The following BTNL3 variants were observed in gnomAD, a reference collection of about 807,000 sequenced individuals.
The protein encoded by BTNL3 is butyrophilin-like protein 3.
BTNL3 carries 20 observed loss-of-function variants against 40.1 expected under a neutral mutation model. That is an observed-to-expected ratio of 0.50 (90% confidence interval 0.35 to 0.72). The LOEUF (loss-of-function observed/expected upper bound fraction) is 0.72, where lower values mean the gene tolerates loss of function less well. Ranked by LOEUF, BTNL3 falls within the 30% of genes least tolerant of loss-of-function variation. The pLI is 0.01. For missense variants in BTNL3, 449 were observed against 582.2 expected (o/e 0.77, Z 2.35); for synonymous variants, 179 against 222.1 (o/e 0.81, Z 1.73).
intron 3 of BTNL3, among the ~76,000 whole-genome samples, chr5:181,000,814 A>AAAAAAAATAAAATAAAAT (rs1241560261): frequency 7.4e-6 from 1 of 135,298 alleles, no homozygotes; most frequent in Non-Finnish European, 1.7e-5. Context: ...CTCCGTCTCA[A>AAAAAAAATAAAATAAAAT]AAAAAAATAA....
At position 181,005,329 on chromosome 5, in the gene BTNL3, C is replaced by T; in HGVS notation, c.863-5C>T. On this transcript the variant is annotated splice_polypyrimidine_tract_variant and splice_region_variant and intron_variant, in intron 7 of 7. Transcript: ENST00000342868. ...ATGCTTCCTCTCTCCCCCACCGCAC[C>T]CCAGTGGAGGTGACTCTGGATCCAG... 1 of 1,610,476 alleles carries T rather than the reference C, an allele frequency of 6.2e-7. No individual in the cohort carries two copies. The highest frequency in any genetic ancestry group is 1.3e-5 in the African/African-American group (1 of 74,842).
intron 3 of BTNL3, among the ~76,000 whole-genome samples, chr5:181,001,409 T>A (rs1201159616): frequency 1.5e-5 from 2 of 134,216 alleles, no homozygotes; most frequent in Non-Finnish European, 3.4e-5. Context: ...GCTCAAGCAA[T>A]CCTCCCACCT....
chr5:181,002,398 A>C (rs1319236249), intron 3 of BTNL3, among the ~76,000 whole-genome samples: 1 of 110,500 alleles, frequency 9.0e-6, no homozygotes, highest in Non-Finnish European at 2.0e-5. Context: ...ATATATATAT[A>C]TATATGAAAT....
At position 181,003,490 on chromosome 5, in the gene BTNL3, T is replaced by C. The variant is rs1012748378; in HGVS notation, c.788-366T>C. ...AGGAAATAAAACTGACTGACTGAGA[T>C]AAAATGATAATCTCAGTAAGAGTCT... On this transcript the variant is annotated intron_variant, in intron 4 of 7. Coordinates refer to ENST00000342868, the MANE Select transcript of BTNL3 (RefSeq NM_197975.3). Among the ~76,000 whole-genome samples the C allele has an allele frequency of 8.7e-5, 12 of 137,294 alleles. 2 individuals carry two copies. The highest frequency in any genetic ancestry group is 2.3e-4 in the Admixed American group (3 of 13,100). The allele number at this position is 137,294 out of a possible 152,430, so 90.1% of individuals were successfully genotyped here.
rs1199522236 is a variant in BTNL3 at position 180,992,941 on chromosome 5, T to G, written c.178T>G (p.Phe60Val). 1.4e-6 allele frequency: 2 copies of G among 1,462,964 alleles called. No individual in the cohort carries two copies. The highest frequency in any genetic ancestry group is 1.9e-6 in the Non-Finnish European group (2 of 1,058,856). The allele number at this position is 1,462,964 out of a possible 1,614,324, so 90.6% of individuals were successfully genotyped here. The change falls in exon 2 of 8, where the codon TTC (phenylalanine) becomes GTC (valine). Residue 60 changes from phenylalanine to valine, a missense_variant. Phe to Val is a conservative substitution (Grantham distance 50, BLOSUM62 -1). Around this residue, in one of 2 missense-constraint regions of BTNL3, gnomAD observed 323 missense variants for 464.9 expected, o/e 0.69. Coordinates refer to ENST00000342868, the MANE Select transcript of BTNL3 (RefSeq NM_197975.3). Reference sequence around the variant, plus strand: ...GGAAGTGCGGTTCTTCAGGAATCAGTTCCATGCTGTGGTCCACCTCTACAG... The same window carrying G: ...GGAAGTGCGGTTCTTCAGGAATCAGGTCCATGCTGTGGTCCACCTCTACAG... ...AMEVRFFRNQ[F>V]HAVVHLYRDG...
chr5:180,998,030 C>T lies in BTNL3; in HGVS notation c.673+542C>T, dbSNP rs528964117. Reference sequence around the variant, plus strand: ...CAGAGGTTGCAGTGAGCCGAGATGGCACCACTGTGCTCCAGCCTGGGTGGC... The same window carrying T: ...CAGAGGTTGCAGTGAGCCGAGATGGTACCACTGTGCTCCAGCCTGGGTGGC... On this transcript the variant is annotated intron_variant, in intron 3 of 7. Transcript: ENST00000342868. 1.2e-4 allele frequency among the ~76,000 whole-genome samples: 17 copies of T among 136,028 alleles called. 2 individuals are homozygous for T. The highest frequency in any genetic ancestry group is 3.5e-4 in the African/African-American group (14 of 39,596). 89.2% of individuals were successfully genotyped at this position (136,028 alleles called of 152,430 possible).
At chr5:180,993,516 A>C (rs1226421056) in intron 2 of BTNL3, among the ~76,000 whole-genome samples, 1 of 136,602 alleles carries the variant, frequency 7.3e-6, no homozygotes, top group Admixed American at 7.7e-5. Flanking sequence ...TTTTTTTAGG[A>C]TTCCATCACA....
Position 181,006,127 on chromosome 5 carries a change from A to C in BTNL3, c.*255A>C, listed in dbSNP as rs147223380. On this transcript the variant is annotated 3_prime_UTR_variant, in exon 8 of 8. Coordinates refer to ENST00000342868, the MANE Select transcript of BTNL3 (RefSeq NM_197975.3). ...CATGGCTGCCCTGAAGTGGGGACGG[A>C]ATAGACTCACATTAGGTTTAGTTTG... is the stretch of plus-strand genomic sequence containing the variant. 330 of 472,632 alleles carry C rather than the reference A, an allele frequency of 7.0e-4. 1 individual carries two copies. The highest frequency in any genetic ancestry group is 6.1e-3 in the African/African-American group (314 of 51,128). The allele number at this position is 472,632 out of a possible 1,614,324, so 29.3% of individuals were successfully genotyped here. A position where few individuals can be genotyped will look rare whatever the true frequency, so the allele number is the denominator to read the frequency against.
At chr5:181,003,937 G>A (rs767585842) in intron 5 of BTNL3, 61 bp downstream of exon 5, 19 of 1,613,482 alleles carry the variant, frequency 1.2e-5, no homozygotes, top group South Asian at 1.1e-5. Flanking sequence ...CTGATCCACA[G>A]TTTGAGCCTC....
In BTNL3 at chr5:180,997,207, T is replaced by G; in HGVS notation, c.398-6T>G. ...TTGCTTTCATCTTTCCCTGTTTTCT[T>G]CCCAGCACTGGGCTCACTTCCTCTC... On this transcript the variant is annotated splice_region_variant and splice_polypyrimidine_tract_variant and intron_variant, in intron 2 of 7. Transcript: ENST00000342868. 6.8e-7 allele frequency: 1 copy of G among 1,464,142 alleles called. No homozygotes were observed. The highest frequency in any genetic ancestry group is 9.4e-7 in the Non-Finnish European group (1 of 1,059,394). 90.7% of individuals were successfully genotyped at this position (1,464,142 alleles called of 1,614,324 possible).
At chr5:181,001,505 G>A (rs1490671586) in intron 3 of BTNL3, among the ~76,000 whole-genome samples, 2 of 129,360 alleles carry the variant, frequency 1.5e-5, no homozygotes, top group Non-Finnish European at 3.5e-5. Flanking sequence ...ATAGATGGGG[G>A]GGGGTCTCAC....
chr5:180,993,092 G>A lies in BTNL3; in HGVS notation c.329G>A (p.Gly110Asp), dbSNP rs377552985. ...RLKNITPSDIGLYGCWFSSQI... is the reference protein window; with the variant it reads ...RLKNITPSDIDLYGCWFSSQI... ...AAAAACATCACTCCCTCGGACATCG[G>A]CCTGTATGGGTGCTGGTTCAGTTCC... The change falls in exon 2 of 8, where the codon GGC (glycine) becomes GAC (aspartate). Residue 110 changes from glycine (G) to aspartate (D), a missense_variant. By Grantham distance (94) the Gly-to-Asp change is moderately conservative. Around this residue, in one of 2 missense-constraint regions of BTNL3, gnomAD observed 323 missense variants for 464.9 expected, o/e 0.69. Coordinates refer to ENST00000342868, the MANE Select transcript of BTNL3 (RefSeq NM_197975.3). 3.2e-5 allele frequency: 47 copies of A among 1,452,216 alleles called. 9 individuals are homozygous for A. Among genetic ancestry groups the A allele is most frequent in the Non-Finnish European group, 3.9e-5 (41 of 1,052,862 alleles). The allele number at this position is 1,452,216 out of a possible 1,614,324, so 90.0% of individuals were successfully genotyped here.
In BTNL3 at chr5:181,001,802, G is replaced by A. The variant is rs571754851; in HGVS notation, c.674-870G>A. On this transcript the variant is annotated intron_variant, in intron 3 of 7. Transcript: ENST00000342868. The stretch of plus-strand genomic sequence containing the variant: ...AGAGGTTGCAGTGAGCCGAGATCGC[G>A]CCACTGCACTCCTCCCTGGGCAACA... Among the ~76,000 whole-genome samples the A allele has an allele frequency of 1.5e-5, 2 of 134,096 alleles. 1 individual carries two copies. Among genetic ancestry groups the A allele is most frequent in the East Asian group, 4.5e-4 (2 of 4,482 alleles). The allele number at this position is 134,096 out of a possible 152,430, so 88.0% of individuals were successfully genotyped here.
chr5:181,003,271 T>C (rs1760155487), intron 4 of BTNL3, among the ~76,000 whole-genome samples: 1 of 133,816 alleles, frequency 7.5e-6, no homozygotes, highest in Non-Finnish European at 1.7e-5. Context: ...ACTTAGGAGG[T>C]TGAGATGGGA....
rs1466301635 is a variant in BTNL3 at position 181,003,400 on chromosome 5, T to C, written c.788-456T>C. Among the ~76,000 whole-genome samples the C allele has an allele frequency of 2.2e-5, 3 of 135,280 alleles. 1 individual carries two copies. The highest frequency in any genetic ancestry group is 7.6e-5 in the African/African-American group (3 of 39,478). 88.7% of individuals were successfully genotyped at this position (135,280 alleles called of 152,430 possible). A position where few individuals can be genotyped will look rare whatever the true frequency, so the allele number is the denominator to read the frequency against. On this transcript the variant is annotated intron_variant, in intron 4 of 7. Coordinates refer to ENST00000342868, the MANE Select transcript of BTNL3 (RefSeq NM_197975.3). The stretch of plus-strand genomic sequence containing the variant: ...AAATAAATATATAAAAATAAATAAA[T>C]TTCTACTAACGACAACAAGAGACAA...
intron 1 of BTNL3, among the ~76,000 whole-genome samples, chr5:180,990,173 C>CA (rs907658314): frequency 1.5e-5 from 2 of 136,204 alleles, no homozygotes; most frequent in African/African-American, 5.0e-5. Context: ...AAAACAAAAA[C>CA]AAAAAATCAC....
intron 4 of BTNL3, 33 bp downstream of exon 4, chr5:181,002,818 T>C: frequency 7.0e-7 from 1 of 1,435,186 alleles, no homozygotes; most frequent in Non-Finnish European, 9.6e-7. Context: ...GGCCCATACC[T>C]TCTTCATGGT....
In BTNL3 at chr5:181,005,979, A is replaced by G; in HGVS notation, c.*107A>G. 8.0e-7 allele frequency: 1 copy of G among 1,245,960 alleles called. No homozygotes were observed. The highest frequency in any genetic ancestry group is 1.1e-6 in the Non-Finnish European group (1 of 915,198). The allele number at this position is 1,245,960 out of a possible 1,614,324, so 77.2% of individuals were successfully genotyped here. On this transcript the variant is annotated 3_prime_UTR_variant, in exon 8 of 8. Coordinates refer to ENST00000342868, the MANE Select transcript of BTNL3 (RefSeq NM_197975.3). ...AGCTTCCTCTCCGGAGCCTGCGCACAGAGAGTCACGCCCCCCACTCTCCTT... is the reference window on the plus strand; with the variant it reads ...AGCTTCCTCTCCGGAGCCTGCGCACGGAGAGTCACGCCCCCCACTCTCCTT...
chr5:180,988,976 C>T lies in BTNL3; in HGVS notation c.-53C>T, dbSNP rs1177029117. 1.4e-6 allele frequency: 2 copies of T among 1,421,464 alleles called. 1 individual carries two copies. The highest frequency in any genetic ancestry group is 2.8e-5 in the African/African-American group (2 of 71,680). The allele number at this position is 1,421,464 out of a possible 1,614,324, so 88.1% of individuals were successfully genotyped here. A position where few individuals can be genotyped will look rare whatever the true frequency, so the allele number is the denominator to read the frequency against. On this transcript the variant is annotated 5_prime_UTR_variant, in exon 1 of 8. Transcript: ENST00000342868. ...TGGCCTGACCTCCAAATCATCCATC[C>T]ACCCCTGCTGTCATCTGTTTTCATA...
Sources: gnomAD v4.1 joint callset for allele counts (sites outside exome capture counted in the v4.1 genomes callset) on GRCh38, gnomAD v4.1.1 for gene constraint, gnomAD v4.1.1 regional missense constraint, MANE v1.5 for transcripts, NCBI Gene and HGNC (gene_info 2026-07-23, HGNC 2026-07-21) for gene names.